SLC7A9: variants seen among roughly 807,000 people sequenced by gnomAD.
SLC7A9 encodes the protein B(0,+)-type amino acid transporter 1.
SLC7A9 carries 38 observed loss-of-function variants against 54.1 expected under a neutral mutation model. That is an observed-to-expected ratio of 0.70 (90% confidence interval 0.54 to 0.92). SLC7A9 has a LOEUF of 0.92. SLC7A9 is among the 40% of genes least tolerant of loss of function. SLC7A9 has a pLI of 0.00. For missense variants in SLC7A9, 537 were observed against 636.1 expected (o/e 0.84, Z 1.68); for synonymous variants, 264 against 258.9 (o/e 1.02, Z -0.19).
At chr19:32,862,281 G>C (rs1017421699) in intron 5 of SLC7A9, 64 bp from the exon 6 acceptor site, 5 of 1,447,938 alleles carry the variant, frequency 3.5e-6, no homozygotes, top group East Asian at 2.3e-5. Context: ...GTATCTCCAC[G>C]GGAAAGATGG....
intron 11 of SLC7A9, among the ~76,000 whole-genome samples, chr19:32,841,835 A>C (rs903437700): frequency 2.6e-5 from 4 of 152,164 alleles, no homozygotes; most frequent in Admixed American, 2.6e-4. Context: ...TGAACCGGGG[A>C]GGCAGAGGCT....
At position 32,833,369 on chromosome 19, in the gene SLC7A9, T is replaced by C. The variant is rs57590551; in HGVS notation, c.1225-46A>G. ...ATGGGTACCCATTTTCTTTTTGAAATTTTTCATGATAAAAAACCGATTTTT... is the reference window on the plus strand; with the variant it reads ...ATGGGTACCCATTTTCTTTTTGAAACTTTTCATGATAAAAAACCGATTTTT... On this transcript the variant is annotated intron_variant, in intron 11 of 12. Transcript: ENST00000023064. 7,588 of 1,601,964 alleles carry C rather than the reference T, an allele frequency of 4.7e-3. 277 individuals are homozygous for C. The African/African-American group carries it at 0.079, about 17-fold the overall frequency.
chr19:32,830,989 A>AAT (rs1361608926), intron 12 of SLC7A9, among the ~76,000 whole-genome samples: 3 of 152,096 alleles, frequency 2.0e-5, no homozygotes, highest in African/African-American at 7.2e-5. Flanking sequence ...ACATTCACTT[A>AAT]ATAAATCTTA....
At chr19:32,850,112 A>G (rs1968425893) in intron 9 of SLC7A9, among the ~76,000 whole-genome samples, 1 of 149,962 alleles carries the variant, frequency 6.7e-6, no homozygotes, top group African/African-American at 2.5e-5. Flanking sequence ...TTCCCTTTGA[A>G]AACTGGCACA....
In SLC7A9 at chr19:32,833,254, T is replaced by G; in HGVS notation, c.1294A>C (p.Lys432Gln). ...VFLVLAPIIS[K>Q]PTWEYLYCVL... Reference sequence around the variant, plus strand: ...CAGTAGAGGTACTCCCAGGTGGGCTTGCTGATGATTGGAGCCAGAACCAAA... The same window carrying G: ...CAGTAGAGGTACTCCCAGGTGGGCTGGCTGATGATTGGAGCCAGAACCAAA... Residue 432 changes from lysine to glutamine, a missense_variant, in exon 12 of 13, where the codon AAG becomes CAG. Coordinates refer to ENST00000023064, the MANE Select transcript of SLC7A9 (RefSeq NM_014270.5). 1.4e-5 allele frequency: 22 copies of G among 1,614,182 alleles called. No homozygotes were observed. The highest frequency in any genetic ancestry group is 1.9e-5 in the Non-Finnish European group (22 of 1,180,032).
chr19:32,845,723 T>C (rs945999065), intron 9 of SLC7A9, among the ~76,000 whole-genome samples: 1 of 152,084 alleles, frequency 6.6e-6, no homozygotes, highest in South Asian at 2.1e-4. Flanking sequence ...TCTAAAGAAT[T>C]GAGGCCAGGC....
chr19:32,867,438 G>C (rs1238305259), intron 2 of SLC7A9, among the ~76,000 whole-genome samples: 7 of 152,062 alleles, frequency 4.6e-5, no homozygotes, highest in African/African-American at 1.4e-4. Context: ...GATTGCTTGA[G>C]TCCAGGAGGT....
intron 2 of SLC7A9, among the ~76,000 whole-genome samples, chr19:32,865,147 G>T (rs1476252060): frequency 6.6e-6 from 1 of 152,108 alleles, no homozygotes; most frequent in Admixed American, 6.6e-5. Flanking sequence ...GGCTGACTTG[G>T]CAACAGCTCA....
chr19:32,846,498 T>G (rs1968300511), intron 9 of SLC7A9, among the ~76,000 whole-genome samples: 1 of 152,056 alleles, frequency 6.6e-6, no homozygotes, highest in South Asian at 2.1e-4. Context: ...CCAGGCTTGA[T>G]TAGGTAAACA....
rs772119633 is a variant in SLC7A9 at position 32,864,619 on chromosome 19, G to A, written c.235+10C>T. The A allele has an allele frequency of 4.3e-6, 7 of 1,612,688 alleles. No individual in the cohort carries two copies. The highest frequency in any genetic ancestry group is 4.5e-5 in the East Asian group (2 of 44,878). On this transcript the variant is annotated intron_variant, in intron 3 of 12. Transcript: ENST00000023064. ...TTCCGGGGCTGCAACAGGCTCCCAA[G>A]TCTCTTTACCCAGCGTCGCGAGGAC...
chr19:32,858,337 C>T (rs1204125241), intron 9 of SLC7A9, 103 bp downstream of exon 9: 23 of 831,146 alleles, frequency 2.8e-5, no homozygotes, highest in South Asian at 4.3e-5. Flanking sequence ...GCGTGGGTTT[C>T]GCCTGGCAGA....
At chr19:32,837,602 C>A (rs1304939471) in intron 11 of SLC7A9, among the ~76,000 whole-genome samples, 1 of 150,060 alleles carries the variant, frequency 6.7e-6, no homozygotes, top group East Asian at 2.0e-4. Context: ...AGATGGTAAA[C>A]TGTGTTTAAA....
Position 32,833,332 on chromosome 19 carries a change from G to A in SLC7A9, c.1225-9C>T, listed in dbSNP as rs1967863048. ...GGAATGACTACGGGCACCTGGAGACGAAAAACAGGTCATGGGTACCCATTT... is the reference window on the plus strand; with the variant it reads ...GGAATGACTACGGGCACCTGGAGACAAAAAACAGGTCATGGGTACCCATTT... On this transcript the variant is annotated splice_polypyrimidine_tract_variant and intron_variant, in intron 11 of 12. Coordinates refer to ENST00000023064, the MANE Select transcript of SLC7A9 (RefSeq NM_014270.5). 6 of 1,613,836 alleles carry A rather than the reference G, an allele frequency of 3.7e-6. No homozygotes were observed. Among genetic ancestry groups the A allele is most frequent in the Middle Eastern group, 1.7e-4 (1 of 6,060 alleles).
intron 12 of SLC7A9, 69 bp from the exon 13 acceptor site, chr19:32,830,753 T>TGGGTGA: frequency 8.2e-7 from 1 of 1,223,212 alleles, no homozygotes; most frequent in Non-Finnish European, 1.2e-6. Context: ...GGAGTTGTTG[T>TGGGTGA]GGGTGAGGGT....
Position 32,860,596 on chromosome 19 carries a change from C to G in SLC7A9, c.749+10G>C, listed in dbSNP as rs1357195139. The G allele has an allele frequency of 2.5e-6, 4 of 1,614,090 alleles. No homozygotes were observed. Among genetic ancestry groups the G allele is most frequent in the East Asian group, 2.2e-5 (1 of 44,888 alleles). On this transcript the variant is annotated intron_variant, in intron 7 of 12. Transcript: ENST00000023064. The stretch of plus-strand genomic sequence containing the variant: ...CCGGCTACTGTCCTCTGCACTGATT[C>G]AGCTGTTACCTGTAAGGGTTTCTAA...
intron 9 of SLC7A9, among the ~76,000 whole-genome samples, chr19:32,846,407 G>T (rs1331467637): frequency 2.6e-5 from 4 of 152,234 alleles, no homozygotes; most frequent in Non-Finnish European, 1.5e-5. Context: ...CGCCCACAGA[G>T]TCTCACTGAT....
chr19:32,844,002 C>T, intron 9 of SLC7A9, 51 bp from the exon 10 acceptor site: 2 of 1,379,584 alleles, frequency 1.4e-6, no homozygotes, highest in East Asian at 2.3e-5. Flanking sequence ...GACCATCTGT[C>T]CAGGGCCACT....
At chr19:32,854,628 G>A (rs1025662388) in intron 9 of SLC7A9, among the ~76,000 whole-genome samples, 5 of 151,950 alleles carry the variant, frequency 3.3e-5, no homozygotes, top group African/African-American at 9.7e-5. Flanking sequence ...TCACTGTGTC[G>A]CCCAGGCTGG....
intron 8 of SLC7A9, among the ~76,000 whole-genome samples, chr19:32,858,918 A>G (rs892144701): frequency 6.6e-6 from 1 of 150,874 alleles, no homozygotes; most frequent in Non-Finnish European, 1.5e-5. Context: ...CCTCCCAAGT[A>G]GCTGGGATTA....
Sources: allele counts gnomAD v4.1 joint callset (sites outside exome capture counted in the v4.1 genomes callset), GRCh38; gene constraint gnomAD v4.1.1; transcripts MANE v1.5; gene names NCBI Gene and HGNC (gene_info 2026-07-23, HGNC 2026-07-21).